NRL: variants seen among roughly 807,000 people sequenced by gnomAD.
NRL encodes neural retina-specific leucine zipper protein.
Under a neutral mutation model 12.5 loss-of-function variants are expected in NRL, and 16 were observed. The observed-to-expected ratio is 1.28, with a 90% CI of 0.87 to 1.95. NRL has a LOEUF of 1.95. NRL is among the 30% of genes most tolerant of loss of function. NRL has a pLI of 0.00. For missense variants in NRL, 314 were observed against 325.8 expected (o/e 0.96, Z 0.28); for synonymous variants, 142 against 150.9 (o/e 0.94, Z 0.43).
chr14:24,111,265 C>T (rs1225347327), intron 1 of NRL, among the ~76,000 whole-genome samples: 1 of 152,244 alleles, frequency 6.6e-6, no homozygotes, highest in East Asian at 1.9e-4. Context: ...AGTCGTAAGC[C>T]ACCGTGCCCA....
At chr14:24,088,171 C>T (rs2036511287) in intron 1 of NRL, among the ~76,000 whole-genome samples, 1 of 152,218 alleles carries the variant, frequency 6.6e-6, no homozygotes, top group Non-Finnish European at 1.5e-5. Context: ...TATCCTCTGC[C>T]CATACCTTAA....
intron 1 of NRL, chr14:24,102,783 C>A (rs760676357): frequency 6.2e-7 from 1 of 1,613,992 alleles, no homozygotes; most frequent in East Asian, 2.2e-5. Flanking sequence ...CATCCCAACT[C>A]TCGATTTTGT....
At chr14:24,093,200 G>A (rs2036690061) in intron 1 of NRL, 1 of 152,316 alleles carries the variant, frequency 6.6e-6, no homozygotes, top group African/African-American at 2.4e-5. Context: ...AAGGCGAGTG[G>A]ATGCTGAGCA....
At chr14:24,096,228 C>CTTTTT (rs34592767) in intron 1 of NRL, among the ~76,000 whole-genome samples, 8 of 58,882 alleles carry the variant, frequency 1.4e-4, no homozygotes, top group Admixed American at 2.8e-4. Context: ...CTACTCATTT[C>CTTTTT]TTTTTTTTTT....
rs1046859716 is a variant in NRL at position 24,097,830 on chromosome 14, G to C, written c.-27-14955C>G. Among the ~76,000 whole-genome samples, 5 of 152,244 alleles carry C rather than the reference G, an allele frequency of 3.3e-5. No homozygotes were observed. In the East Asian group the frequency reaches 9.7e-4, roughly 30 times the overall value. On this transcript the variant is annotated intron_variant, in intron 1 of 2. Coordinates refer to ENST00000561028, the MANE Select transcript of NRL (RefSeq NM_001354768.3). Reference sequence around the variant, plus strand: ...GTTGGTCTCAAACTCCTAACCTCAAGTGATCCACCCACCTCAGCCTCCCAA... The same window carrying C: ...GTTGGTCTCAAACTCCTAACCTCAACTGATCCACCCACCTCAGCCTCCCAA...
chr14:24,097,588 G>A (rs2036950629), intron 1 of NRL, among the ~76,000 whole-genome samples: 1 of 84,088 alleles, frequency 1.2e-5, no homozygotes, highest in Non-Finnish European at 2.7e-5. Flanking sequence ...AAAGAAACTG[G>A]GATTTTTTTT....
chr14:24,094,909 T>C lies in NRL; in HGVS notation c.-27-12034A>G, dbSNP rs905011823. 9.5e-6 allele frequency: 11 copies of C among 1,159,774 alleles called. No individual in the cohort carries two copies. Among genetic ancestry groups the C allele is most frequent in the Non-Finnish European group, 1.3e-5 (11 of 872,454 alleles). 71.8% of individuals were successfully genotyped at this position (1,159,774 alleles called of 1,614,324 possible). On this transcript the variant is annotated intron_variant, in intron 1 of 2. Coordinates refer to ENST00000561028, the MANE Select transcript of NRL (RefSeq NM_001354768.3). This position sits in a 1 kb window ranked among gnomAD's most constrained non-coding sequence, Gnocchi z 4.1. ...AAGAAGGTGGAAGGTTAAATATCCA[T>C]TCCCGGCCTCTCCCGGACTGGAAGG...
chr14:24,099,891 T>C, intron 1 of NRL: 1 of 1,601,954 alleles, frequency 6.2e-7, no homozygotes, highest in East Asian at 2.2e-5. Flanking sequence ...TCATCAGATC[T>C]TGGGTCCATC....
At chr14:24,084,655 G>A in intron 1 of NRL, 1 of 985,456 alleles carries the variant, frequency 1.0e-6, no homozygotes, top group Non-Finnish European at 1.2e-6. Flanking sequence ...AGCCCAAAGG[G>A]CATTCTTAAA....
In NRL at chr14:24,099,895, G is replaced by T. The variant is rs781207704; in HGVS notation, c.-28+14827C>A. 3.7e-6 allele frequency: 6 copies of T among 1,605,996 alleles called. No individual in the cohort carries two copies. The East Asian group carries it at 1.1e-4, about 30-fold the overall frequency. On this transcript the variant is annotated intron_variant, in intron 1 of 2. Transcript: ENST00000561028. The stretch of plus-strand genomic sequence containing the variant: ...ACAGCCTTTCCTCATCAGATCTTGG[G>T]TCCATCTCAGGACAGGGGTGGGTGG...
At chr14:24,096,278 G>A (rs955224346) in intron 1 of NRL, among the ~76,000 whole-genome samples, 10 of 109,474 alleles carry the variant, frequency 9.1e-5, no homozygotes, top group African/African-American at 1.8e-4. Flanking sequence ...TTGCTCTGTC[G>A]CCCAGGTTGG....
intron 1 of NRL, among the ~76,000 whole-genome samples, chr14:24,096,140 G>GAAATAAA (rs1407824932): frequency 2.0e-5 from 3 of 151,498 alleles, no homozygotes; most frequent in Non-Finnish European, 4.4e-5. Context: ...AAATAAAATG[G>GAAATAAA]ATGAGGCTTC....
At chr14:24,098,415 G>A (rs1244399920) in intron 1 of NRL, 1 of 1,611,256 alleles carries the variant, frequency 6.2e-7, no homozygotes, top group Non-Finnish European at 8.5e-7. Flanking sequence ...ACAGTGGCAA[G>A]GGCACGGAAG....
chr14:24,100,357 C>CA, intron 1 of NRL: 1 of 1,461,242 alleles, frequency 6.8e-7, no homozygotes, highest in South Asian at 1.5e-5. Flanking sequence ...CAGTCCCAGG[C>CA]AAAATCTCAG....
chr14:24,108,781 A>C (rs1450539940), intron 1 of NRL, among the ~76,000 whole-genome samples: 1 of 152,156 alleles, frequency 6.6e-6, no homozygotes, highest in Non-Finnish European at 1.5e-5. Flanking sequence ...CCCTAGGTAA[A>C]TTATTAGCAC....
intron 1 of NRL, among the ~76,000 whole-genome samples, chr14:24,113,415 C>A (rs1399560912): frequency 1.3e-5 from 2 of 151,798 alleles, no homozygotes; most frequent in Middle Eastern, 3.2e-3. Context: ...TCTGGGAGAA[C>A]GCAGGTAAAA....
Position 24,081,512 on chromosome 14 carries a change from G to C in NRL, c.438C>G (p.Asn146Lys). 6.2e-7 allele frequency: 1 copy of C among 1,603,140 alleles called. No homozygotes were observed. The highest frequency in any genetic ancestry group is 1.1e-5 in the South Asian group (1 of 89,232). Residue 146 changes from asparagine (N) to lysine (K), a missense_variant, in exon 3 of 3, where the codon AAC becomes AAG. Transcript: ENST00000561028. The surrounding 1 kb of genome is among the most constrained non-coding windows in gnomAD (Gnocchi z 4.4). ...CGCGCCCGCAGCCCCGCAGCTGCCG[G>C]TTTAGCTCCCGCACAGACATCGAGA... ...ALVSMSVREL[N>K]RQLRGCGRDE...
intron 1 of NRL, among the ~76,000 whole-genome samples, chr14:24,097,893 C>CTAGTTTG (rs1274926644): frequency 6.6e-6 from 1 of 152,014 alleles, no homozygotes; most frequent in African/African-American, 2.4e-5. Flanking sequence ...TGCGCCCAGC[C>CTAGTTTG]TAGTTTGTAG....
chr14:24,098,170 C>A, intron 1 of NRL: 2 of 1,559,756 alleles, frequency 1.3e-6, no homozygotes, highest in Admixed American at 1.8e-5. Flanking sequence ...AACCTGCTGG[C>A]CACCATCTTC....
Sources: allele counts gnomAD v4.1 joint callset (sites outside exome capture counted in the v4.1 genomes callset), GRCh38; gene constraint gnomAD v4.1.1; non-coding constraint Gnocchi (gnomAD v3.1); transcripts MANE v1.5; gene names NCBI Gene and HGNC (gene_info 2026-07-23, HGNC 2026-07-21).